Variants in FRMD6 observed in about 807,000 individuals in gnomAD.
FRMD6 encodes the protein FERM domain-containing protein 6.
A neutral mutation model predicts 73.2 loss-of-function variants in FRMD6; 37 were observed. That is an observed-to-expected ratio of 0.51 (90% CI 0.39 to 0.66). The LOEUF (loss-of-function observed/expected upper bound fraction) is 0.66, where lower values mean the gene tolerates loss of function less well. Among genes scored for constraint, FRMD6 ranks in the 30% least tolerant of loss-of-function variants. The pLI is 0.00. For missense variants in FRMD6, 714 were observed against 780.5 expected (o/e 0.91, Z 1.02); for synonymous variants, 273 against 282.2 (o/e 0.97, Z 0.33).
chr14:51,640,156 A>G (rs1338701470), intron 2 of FRMD6, among the ~76,000 whole-genome samples: 4 of 152,164 alleles, frequency 2.6e-5, no homozygotes, highest in Admixed American at 6.5e-5. Flanking sequence ...TCCTTCCCCA[A>G]TCTGAATTAG....
the FRMD6 span, among the ~76,000 whole-genome samples, chr14:51,450,919 C>A: frequency 3.9e-3 from 600 of 152,322 alleles, 6 homozygotes; most frequent in African/African-American, 0.013. Context: ...GAGGAAAAGA[C>A]TGACCTGTAA....
At chr14:51,479,226 C>A in the FRMD6 span, among the ~76,000 whole-genome samples, 1 of 152,166 alleles carries the variant, frequency 6.6e-6, no homozygotes, top group South Asian at 2.1e-4. Flanking sequence ...ATAAACTCCC[C>A]CAAACCATTC....
intron 2 of FRMD6, among the ~76,000 whole-genome samples, chr14:51,621,407 C>G (rs773510124): frequency 6.6e-6 from 1 of 152,216 alleles, no homozygotes; most frequent in Non-Finnish European, 1.5e-5. Flanking sequence ...CCACCAAGGG[C>G]AAGTTATTGC....
the FRMD6 span, among the ~76,000 whole-genome samples, chr14:51,468,107 G>T: frequency 1.3e-5 from 2 of 152,162 alleles, no homozygotes; most frequent in Non-Finnish European, 2.9e-5. Context: ...CGGCCAATAC[G>T]GCGAAACCCC....
At chr14:51,655,901 C>T (rs17666689) in intron 1 of FRMD6, among the ~76,000 whole-genome samples, 30,143 of 152,000 alleles carry the variant, frequency 0.2, 3,159 homozygotes, top group African/African-American at 0.29. Flanking sequence ...TAACTGTATC[C>T]CGTACACTCC....
intron 3 of FRMD6, 39 bp from the exon 4 acceptor site, chr14:51,701,017 C>T: frequency 3.9e-6 from 4 of 1,016,094 alleles, no homozygotes; most frequent in Non-Finnish European, 5.6e-6. Flanking sequence ...TTTAAAAATC[C>T]TTTCTTTAGC....
chr14:51,557,197 A>G (rs1566812451), intron 1 of FRMD6, among the ~76,000 whole-genome samples: 1 of 152,088 alleles, frequency 6.6e-6, no homozygotes, highest in Non-Finnish European at 1.5e-5. Context: ...CACAATAGCC[A>G]AGATATGTAA....
intron 3 of FRMD6, among the ~76,000 whole-genome samples, chr14:51,698,930 A>G (rs912372680): frequency 6.6e-6 from 1 of 151,958 alleles, no homozygotes; most frequent in African/African-American, 2.4e-5. Context: ...TTAGTCTTCT[A>G]TATATCTTTG....
intron 1 of FRMD6, among the ~76,000 whole-genome samples, chr14:51,529,470 CAG>C (rs146389938): frequency 4.6e-5 from 7 of 151,338 alleles, no homozygotes; most frequent in Non-Finnish European, 7.4e-5. Flanking sequence ...TCATCATACA[CAG>C]AGAGAGAGAG....
the FRMD6 span, among the ~76,000 whole-genome samples, chr14:51,423,708 C>T: frequency 6.6e-6 from 1 of 152,316 alleles, no homozygotes; most frequent in African/African-American, 2.4e-5. Context: ...GAGCGTGATT[C>T]TGACCACACT....
At chr14:51,442,250 C>T in the FRMD6 span, among the ~76,000 whole-genome samples, 5 of 152,194 alleles carry the variant, frequency 3.3e-5, no homozygotes, top group Admixed American at 2.6e-4. Context: ...ATCCCTTCTC[C>T]CCTCCTCCGC....
rs903144790 is a variant in FRMD6, at chr14:51,561,315, A to C, written c.-209-9033A>C. On this transcript the variant is annotated intron_variant, in intron 1 of 14. Coordinates refer to the FRMD6 transcript ENST00000356218. ...TCTAACCCTAACCCTGTAACAAAGA[A>C]GGCATTTTTAATCACTGAGGGCTAA... 2.6e-5 allele frequency among the ~76,000 whole-genome samples: 4 copies of C among 152,230 alleles called. No individual in the cohort carries two copies. The East Asian group carries it at 7.7e-4, about 29-fold the overall frequency.
intron 2 of FRMD6, among the ~76,000 whole-genome samples, chr14:51,695,358 A>G (rs1015620351): frequency 6.6e-6 from 1 of 152,188 alleles, no homozygotes; most frequent in Non-Finnish European, 1.5e-5. Flanking sequence ...CAAAATCCAG[A>G]GGCCTTTTAA....
the FRMD6 span, among the ~76,000 whole-genome samples, chr14:51,458,521 TC>T: frequency 6.6e-6 from 1 of 152,222 alleles, no homozygotes; most frequent in Non-Finnish European, 1.5e-5. Context: ...TTCTGGGTCT[TC>T]CTAAATTCAG....
chr14:51,426,242 C>A, the FRMD6 span, among the ~76,000 whole-genome samples: 1 of 152,124 alleles, frequency 6.6e-6, no homozygotes, highest in Non-Finnish European at 1.5e-5. Context: ...CTTAGCCTGG[C>A]AATCAAGATA....
At chr14:51,633,621 A>AAAAAAAAAAAAAAAAAAAAAAAG (rs143710280) in intron 2 of FRMD6, among the ~76,000 whole-genome samples, 1 of 99,368 alleles carries the variant, frequency 1.0e-5, no homozygotes, top group Non-Finnish European at 1.9e-5. Flanking sequence ...AAAAAAAAAA[A>AAAAAAAAAAAAAAAAAAAAAAAG]GAAATAATTA....
intron 2 of FRMD6, among the ~76,000 whole-genome samples, chr14:51,606,220 C>A (rs554838098): frequency 6.6e-6 from 1 of 152,184 alleles, no homozygotes; most frequent in African/African-American, 2.4e-5. Context: ...CCATTCCACA[C>A]AAATATCCTC....
chr14:51,523,375 G>A (rs1002426957), intron 1 of FRMD6, among the ~76,000 whole-genome samples: 4 of 152,144 alleles, frequency 2.6e-5, no homozygotes, highest in African/African-American at 7.2e-5. Context: ...GATAAGAGCC[G>A]ATGACCAGAT....
chr14:51,651,250 G>C (rs1448383810), upstream of FRMD6: 1 of 152,350 alleles, frequency 6.6e-6, no homozygotes, highest in Non-Finnish European at 1.5e-5. Flanking sequence ...GGGGAGGCTG[G>C]GCATCCTCGG....
Sources: allele counts gnomAD v4.1 joint callset (sites outside exome capture counted in the v4.1 genomes callset), GRCh38; gene constraint gnomAD v4.1.1; transcripts MANE v1.5; gene names NCBI Gene and HGNC (gene_info 2026-07-23, HGNC 2026-07-21).